Variants in MYH15 observed in about 807,000 individuals in gnomAD.
MYH15 encodes the protein myosin-15.
A neutral mutation model predicts 240.5 loss-of-function variants in MYH15; 227 were observed. That is an observed-to-expected ratio of 0.94 (90% confidence interval 0.85 to 1.05). The LOEUF (loss-of-function observed/expected upper bound fraction) is 1.05, where lower values mean the gene tolerates loss of function less well. Ranked by LOEUF, MYH15 falls within the 50% of genes least tolerant of loss-of-function variation. The pLI, the probability that MYH15 is intolerant of heterozygous loss-of-function variation, is 0.00. For missense variants in MYH15, 2,217 were observed against 2,247.5 expected (o/e 0.99, Z 0.27); for synonymous variants, 785 against 796.7 (o/e 0.99, Z 0.25).
Position 108,405,430 on chromosome 3 carries a change from G to A in MYH15, c.4644C>T (p.Ser1548=). The part of the protein sequence containing the change: ...ETEGALERNE[S]KILHFQLELL... Reference sequence around the variant, plus strand: ...GTTCAAGCTGGAAATGAAGAATCTTGCTTTCATTACGTTCCAGGGCTCCCT... The same window carrying A: ...GTTCAAGCTGGAAATGAAGAATCTTACTTTCATTACGTTCCAGGGCTCCCT... Residue 1548 remains serine, a synonymous_variant, in exon 33 of 41, where the codon AGC becomes AGT. Transcript: ENST00000693548. 6.6e-7 allele frequency: 1 copy of A among 1,523,446 alleles called. No individual in the cohort carries two copies. Among genetic ancestry groups the A allele is most frequent in the Non-Finnish European group, 8.9e-7 (1 of 1,119,406 alleles). 94.4% of individuals were successfully genotyped at this position (1,523,446 alleles called of 1,614,324 possible).
At chr3:108,436,453 C>T (rs1161237399) in intron 25 of MYH15, among the ~76,000 whole-genome samples, 2 of 152,172 alleles carry the variant, frequency 1.3e-5, no homozygotes, top group African/African-American at 2.4e-5. Flanking sequence ...TATGTATATA[C>T]CAACAAGAAA....
chr3:108,446,131 C>T (rs186674331), intron 21 of MYH15, among the ~76,000 whole-genome samples: 1 of 152,220 alleles, frequency 6.6e-6, no homozygotes. Context: ...CAGACCCAGG[C>T]CCCAGACCTA....
chr3:108,413,063 T>A (rs1244306970), intron 30 of MYH15, among the ~76,000 whole-genome samples: 1 of 152,244 alleles, frequency 6.6e-6, no homozygotes, highest in African/African-American at 2.4e-5. Context: ...TAATCTATAT[T>A]CTTTTGCTCT....
chr3:108,421,236 C>T lies in MYH15; in HGVS notation c.3703-22G>A, dbSNP rs184114429. 179 of 1,606,124 alleles carry T rather than the reference C, an allele frequency of 1.1e-4. 1 individual carries two copies. In the Admixed American group the frequency reaches 2.9e-3, roughly 26 times the overall value. On this transcript the variant is annotated intron_variant, in intron 27 of 40. Transcript: ENST00000693548. ...TTGCCTATAAGTTGAGAAAGAAGGG[C>T]TGGTCAGGGCTCACAGAGGATACTC... is the stretch of plus-strand genomic sequence containing the variant.
intron 21 of MYH15, among the ~76,000 whole-genome samples, chr3:108,448,499 G>C (rs150389176): frequency 2.0e-5 from 3 of 152,052 alleles, no homozygotes; most frequent in African/African-American, 7.2e-5. Context: ...TGTAACAAGA[G>C]ATAAAGAAAG....
At chr3:108,550,664 TCAGAGA>T in the MYH15 span, 1 of 151,854 alleles carries the variant, frequency 6.6e-6, no homozygotes, top group Non-Finnish European at 1.5e-5. Context: ...TTGTGCTTCT[TCAGAGA>T]CAAACTTCTC....
intron 11 of MYH15, among the ~76,000 whole-genome samples, chr3:108,480,309 C>G (rs995190797): frequency 6.6e-6 from 1 of 152,148 alleles, no homozygotes; most frequent in African/African-American, 2.4e-5. Context: ...CTTGAAGCCA[C>G]AGGCGTTGAA....
the MYH15 span, among the ~76,000 whole-genome samples, chr3:108,536,600 C>A: frequency 6.6e-6 from 1 of 152,114 alleles, no homozygotes; most frequent in Non-Finnish European, 1.5e-5. Context: ...ATAGGGGATG[C>A]CACTCAGGGT....
rs186049615 is a variant in MYH15 at position 108,509,336 on chromosome 3, T to A, written c.88+1107A>T. Among the ~76,000 whole-genome samples, 6 of 152,184 alleles carry A rather than the reference T, an allele frequency of 3.9e-5. No homozygotes were observed. In the East Asian group the frequency reaches 1.2e-3, roughly 29 times the overall value. On this transcript the variant is annotated intron_variant, in intron 1 of 40. Coordinates refer to ENST00000693548, the MANE Select transcript of MYH15 (RefSeq NM_014981.3). ...ATTATCTCTAATGCTTAGGCTCAAT[T>A]TTTTTTTCTTCCTGGCATCACTATT...
At chr3:108,488,072 T>G (rs539713049) in intron 9 of MYH15, among the ~76,000 whole-genome samples, 1 of 152,320 alleles carries the variant, frequency 6.6e-6, no homozygotes, top group Non-Finnish European at 1.5e-5. Flanking sequence ...ACATACTTTT[T>G]TTTTTGTGGT....
At chr3:108,469,745 G>A (rs2083154792) in intron 14 of MYH15, among the ~76,000 whole-genome samples, 1 of 152,190 alleles carries the variant, frequency 6.6e-6, no homozygotes, top group South Asian at 2.1e-4. Context: ...CCAGTCAAGA[G>A]CATGACCATT....
chr3:108,409,294 C>T (rs748892147), intron 31 of MYH15, among the ~76,000 whole-genome samples: 2 of 152,222 alleles, frequency 1.3e-5, no homozygotes, highest in Non-Finnish European at 2.9e-5. Context: ...GGAAGAGGTT[C>T]TCAACTCTGA....
chr3:108,474,447 G>A (rs920632138), intron 12 of MYH15, among the ~76,000 whole-genome samples: 4 of 150,246 alleles, frequency 2.7e-5, no homozygotes, highest in Non-Finnish European at 1.5e-5. Flanking sequence ...CCTCCTAGGG[G>A]CTCCTTATTT....
At chr3:108,547,794 C>T in the MYH15 span, among the ~76,000 whole-genome samples, 1 of 152,094 alleles carries the variant, frequency 6.6e-6, no homozygotes, top group African/African-American at 2.4e-5. Context: ...AACCAACCAT[C>T]AAATTAATAA....
intron 18 of MYH15, 134 bp from the exon 19 acceptor site, chr3:108,457,017 G>A (rs1208593899): frequency 1.6e-6 from 1 of 642,018 alleles, no homozygotes. Flanking sequence ...GGTCATAGAT[G>A]TTCACTCACT....
chr3:108,541,762 AAT>A, the MYH15 span, among the ~76,000 whole-genome samples: 2,108 of 152,264 alleles, frequency 0.014, 50 homozygotes, highest in African/African-American at 0.048. Flanking sequence ...TGTGTTCATT[AAT>A]ATGACTTAAA....
intron 25 of MYH15, 33 bp downstream of exon 25, chr3:108,437,521 C>A: frequency 6.3e-7 from 1 of 1,599,974 alleles, no homozygotes; most frequent in Non-Finnish European, 8.5e-7. Flanking sequence ...ATAAGGTCTC[C>A]AGCAATCTCA....
intron 11 of MYH15, among the ~76,000 whole-genome samples, chr3:108,478,133 G>A (rs972830252): frequency 3.3e-5 from 5 of 151,882 alleles, no homozygotes; most frequent in South Asian, 4.1e-4. Context: ...CAATAATCAC[G>A]AACAGAAAAT....
chr3:108,406,229 T>C (rs545535081), intron 32 of MYH15, among the ~76,000 whole-genome samples: 3 of 152,268 alleles, frequency 2.0e-5, no homozygotes, highest in Admixed American at 6.5e-5. Context: ...ACCAAGGATA[T>C]AAGGGCATAA....
Sources: gnomAD v4.1 joint callset for allele counts (sites outside exome capture counted in the v4.1 genomes callset) on GRCh38, gnomAD v4.1.1 for gene constraint, MANE v1.5 for transcripts, NCBI Gene and HGNC (gene_info 2026-07-23, HGNC 2026-07-21) for gene names.